Variants in EHD4 observed in about 807,000 individuals in gnomAD.
EHD4 encodes the protein EH domain containing 4.
EHD4 carries 37 observed loss-of-function variants against 51.0 expected under a neutral mutation model. The observed-to-expected ratio is 0.73, with a 90% CI of 0.56 to 0.95. The LOEUF (loss-of-function observed/expected upper bound fraction) is 0.95. Ranked by LOEUF, EHD4 falls within the 40% of genes least tolerant of loss-of-function variation. EHD4 has a pLI of 0.00. For synonymous variants in EHD4, 297 were observed against 317.3 expected, an observed-to-expected ratio of 0.94 and a Z score of 0.68; for missense variants, 632 against 733.1, an observed-to-expected ratio of 0.86 and a Z score of 1.59.
rs370228787 is a variant in EHD4, at chr15:41,961,764, A to C, written c.237-7824T>G. ...CAGCTGACATAATCTCTTAAGGTGA[A>C]ATAACATAGGCAATACCATTAAGAT... On this transcript the variant is annotated intron_variant, in intron 1 of 5. Transcript: ENST00000220325. Among the ~76,000 whole-genome samples, 69 of 152,344 alleles carry C rather than the reference A, an allele frequency of 4.5e-4. 1 individual carries two copies. The South Asian group carries it at 0.011, about 24-fold the overall frequency.
chr15:41,972,147 G>T, intron 1 of EHD4, 112 bp downstream of exon 1: 2 of 1,134,470 alleles, frequency 1.8e-6, no homozygotes, highest in South Asian at 4.2e-5. Flanking sequence ...TCCGGGAGGG[G>T]TCCCCGAGGT....
chr15:41,916,933 ATCC>A (rs2067588304), intron 4 of EHD4, among the ~76,000 whole-genome samples: 1 of 152,202 alleles, frequency 6.6e-6, no homozygotes, highest in Non-Finnish European at 1.5e-5. Context: ...CACTCCCTGC[ATCC>A]ACACAAGGGT....
At chr15:41,935,255 A>C (rs1399683497) in intron 3 of EHD4, among the ~76,000 whole-genome samples, 1 of 151,890 alleles carries the variant, frequency 6.6e-6, no homozygotes, top group Non-Finnish European at 1.5e-5. Flanking sequence ...TCTTTGTTTC[A>C]ATTGCATTTG....
chr15:41,909,271 G>C (rs2067533122), intron 5 of EHD4, among the ~76,000 whole-genome samples: 3 of 152,224 alleles, frequency 2.0e-5, no homozygotes, highest in African/African-American at 7.2e-5. Flanking sequence ...TGGAGCCCTT[G>C]AGCCTGCAGC....
chr15:41,921,918 T>C (rs1482687056), intron 3 of EHD4, among the ~76,000 whole-genome samples: 1 of 152,036 alleles, frequency 6.6e-6, no homozygotes, highest in Non-Finnish European at 1.5e-5. Flanking sequence ...TGCTGAACCT[T>C]GGGGAAATGA....
intron 3 of EHD4, among the ~76,000 whole-genome samples, chr15:41,922,717 T>C (rs1269056407): frequency 1.3e-5 from 2 of 152,244 alleles, no homozygotes; most frequent in East Asian, 3.8e-4. Flanking sequence ...TTCAATGCTA[T>C]AGTGAAATCA....
chr15:41,901,170 C>T lies in EHD4; in HGVS notation c.1101G>A (p.Glu367=). The T allele has an allele frequency of 6.5e-7, 1 of 1,549,956 alleles. No individual in the cohort carries two copies. Among genetic ancestry groups the T allele is most frequent in the Non-Finnish European group, 8.7e-7 (1 of 1,149,084 alleles). ...PEVKAMQEQL[E]NYDFTKFHSL... ...AGTGGAATTTGGTGAAGTCATAGTTCTCAAGCTGTTCCTGCAGAAGGACAA... is the reference window on the plus strand; with the variant it reads ...AGTGGAATTTGGTGAAGTCATAGTTTTCAAGCTGTTCCTGCAGAAGGACAA... The change falls in exon 6 of 6, where the codon GAG becomes GAA. Residue 367 remains glutamate, a synonymous_variant. Coordinates refer to ENST00000220325, the MANE Select transcript of EHD4 (RefSeq NM_139265.4).
chr15:41,951,325 A>G (rs1406071478), intron 2 of EHD4, among the ~76,000 whole-genome samples: 1 of 152,242 alleles, frequency 6.6e-6, no homozygotes, highest in Admixed American at 6.5e-5. Context: ...TTCTGAATTC[A>G]ACTGACACTT....
rs1378323324 is a variant in EHD4, at chr15:41,953,813, T to G, written c.364A>C (p.Lys122Gln). ...TPGNALVVDP[K>Q]KPFRKLSRFG... ...CGACTGAGCTTTCTAAACGGCTTTTTGGGGTCCACGACTAAAGCATTCCCT... is the reference window on the plus strand; with the variant it reads ...CGACTGAGCTTTCTAAACGGCTTTTGGGGGTCCACGACTAAAGCATTCCCT... Residue 122 changes from lysine to glutamine, a missense_variant, in exon 2 of 6, where the codon AAA (lysine) becomes CAA (glutamine). By Grantham distance (53) the Lys-to-Gln change is moderately conservative (BLOSUM62 1). Transcript: ENST00000220325. 6.2e-7 allele frequency: 1 copy of G among 1,613,248 alleles called. No individual in the cohort carries two copies. Among genetic ancestry groups the G allele is most frequent in the Admixed American group, 1.7e-5 (1 of 59,756 alleles).
At chr15:41,912,851 T>C (rs1259830795) in intron 4 of EHD4, among the ~76,000 whole-genome samples, 1 of 152,228 alleles carries the variant, frequency 6.6e-6, no homozygotes, top group East Asian at 1.9e-4. Context: ...AGTTGGTAGA[T>C]ACAGAGCTGG....
chr15:41,972,163 CG>C, intron 1 of EHD4, 95 bp downstream of exon 1: 1 of 1,217,230 alleles, frequency 8.2e-7, no homozygotes, highest in Non-Finnish European at 1.0e-6. Context: ...GAGGTCGCGC[CG>C]GCCGGGAGGG....
rs770828488 is a variant in EHD4, at chr15:41,972,254, G to C, written c.236+5C>G. ...CGGGAGCCGGGCGAGGGGCGGTGACGGTACCTGATGAAGGTGGTCTTGCCG... is the reference window on the plus strand; with the variant it reads ...CGGGAGCCGGGCGAGGGGCGGTGACCGTACCTGATGAAGGTGGTCTTGCCG... On this transcript the variant is annotated splice_donor_5th_base_variant and intron_variant, in intron 1 of 5. Coordinates refer to ENST00000220325, the MANE Select transcript of EHD4 (RefSeq NM_139265.4). 1.3e-6 allele frequency: 2 copies of C among 1,548,188 alleles called. No individual in the cohort carries two copies. The highest frequency in any genetic ancestry group is 1.7e-6 in the Non-Finnish European group (2 of 1,146,432).
chr15:41,952,461 C>T (rs2067858600), intron 2 of EHD4, among the ~76,000 whole-genome samples: 1 of 152,004 alleles, frequency 6.6e-6, no homozygotes, highest in Admixed American at 6.6e-5. Flanking sequence ...AAGAAAAAAG[C>T]ATTACACAAA....
At chr15:41,950,001 C>T (rs771071356) in intron 2 of EHD4, among the ~76,000 whole-genome samples, 1 of 152,186 alleles carries the variant, frequency 6.6e-6, no homozygotes, top group Non-Finnish European at 1.5e-5. Flanking sequence ...CCCAGAGCTG[C>T]TCCCAGATGG....
chr15:41,947,790 G>A (rs1007145613), intron 2 of EHD4, among the ~76,000 whole-genome samples: 2 of 152,154 alleles, frequency 1.3e-5, no homozygotes, highest in Non-Finnish European at 2.9e-5. Context: ...GATTATTTAA[G>A]ACTGCCAATT....
At chr15:41,945,980 C>T (rs2067811398) in intron 2 of EHD4, among the ~76,000 whole-genome samples, 1 of 152,208 alleles carries the variant, frequency 6.6e-6, no homozygotes, top group Non-Finnish European at 1.5e-5. Flanking sequence ...AGGTTCACAG[C>T]CCTACCTGTA....
chr15:41,931,631 C>A (rs2067698983), intron 3 of EHD4, among the ~76,000 whole-genome samples: 1 of 152,016 alleles, frequency 6.6e-6, no homozygotes, highest in African/African-American at 2.4e-5. Context: ...CATTACTTCA[C>A]ATACTTGTTT....
intron 2 of EHD4, among the ~76,000 whole-genome samples, chr15:41,946,987 G>A (rs540916009): frequency 1.5e-4 from 23 of 152,276 alleles, no homozygotes; most frequent in African/African-American, 5.3e-4. Context: ...TACTTTCCAT[G>A]CACATTAACT....
intron 3 of EHD4, among the ~76,000 whole-genome samples, chr15:41,935,653 C>T (rs1196584809): frequency 1.3e-5 from 2 of 152,196 alleles, no homozygotes; most frequent in African/African-American, 4.8e-5. Flanking sequence ...GCATCCACGC[C>T]TCTTGTGGTT....
Sources: allele counts gnomAD v4.1 joint callset (sites outside exome capture counted in the v4.1 genomes callset), GRCh38; gene constraint gnomAD v4.1.1; transcripts MANE v1.5; gene names NCBI Gene and HGNC (gene_info 2026-07-23, HGNC 2026-07-21).